Variants in GRIN2B observed in about 807,000 individuals in gnomAD.
GRIN2B encodes glutamate ionotropic receptor NMDA type subunit 2B.
In GRIN2B, 5 loss-of-function variants were observed where a neutral mutation model predicts 114.5. The observed-to-expected ratio is 0.04, with a 90% CI of 0.02 to 0.09. GRIN2B has a LOEUF of 0.09. GRIN2B is among the 10% of genes least tolerant of loss of function. The pLI is 1.00. For synonymous variants in GRIN2B, 787 were observed against 745.1 expected (o/e 1.06, Z -0.92); for missense variants, 1,108 against 1,943.5 (o/e 0.57, Z 8.08).
chr12:13,744,186 T>C (rs1281092323), intron 4 of GRIN2B, among the ~76,000 whole-genome samples: 8 of 152,218 alleles, frequency 5.3e-5, no homozygotes, highest in Non-Finnish European at 1.2e-4. Context: ...TTACTTGATA[T>C]TCATCAGAGC....
Position 13,870,193 on chromosome 12 carries a change from C to T in GRIN2B, c.-18-3967G>A, listed in dbSNP as rs538854518. On this transcript the variant is annotated intron_variant, in intron 2 of 13. Coordinates refer to ENST00000609686, the MANE Select transcript of GRIN2B (RefSeq NM_000834.5). ...TCCCATAATGGCCTCGGGGTAGCAG[C>T]GACCTCCACTGACAGCTTACTAGTC... is the stretch of plus-strand genomic sequence containing the variant. Among the ~76,000 whole-genome samples, 15 of 152,224 alleles carry T rather than the reference C, an allele frequency of 9.9e-5. No homozygotes were observed. In the East Asian group the frequency reaches 2.5e-3, roughly 25 times the overall value.
intron 5 of GRIN2B, among the ~76,000 whole-genome samples, chr12:13,663,472 G>T (rs1025368150): frequency 2.0e-5 from 3 of 152,130 alleles, no homozygotes; most frequent in Non-Finnish European, 2.9e-5. Flanking sequence ...AATGTGTTTT[G>T]GTTGTAATTT....
chr12:13,707,951 G>T (rs957347531), intron 4 of GRIN2B, among the ~76,000 whole-genome samples: 2 of 152,020 alleles, frequency 1.3e-5, no homozygotes, highest in South Asian at 4.1e-4. Context: ...GTAGAGAGCT[G>T]ATCTGCTGGA....
At chr12:13,859,887 T>C (rs1313021628) in intron 3 of GRIN2B, among the ~76,000 whole-genome samples, 2 of 152,206 alleles carry the variant, frequency 1.3e-5, no homozygotes, top group Admixed American at 6.5e-5. Flanking sequence ...TATGTCTTAA[T>C]ACCCTTCATC....
intron 3 of GRIN2B, among the ~76,000 whole-genome samples, chr12:13,864,372 C>G (rs1865791831): frequency 6.9e-6 from 1 of 145,218 alleles, no homozygotes; most frequent in Admixed American, 6.9e-5. Context: ...GGTGTCTGTG[C>G]TAGGTTTTAA....
rs183026780 is a variant in GRIN2B, at chr12:13,712,935, G to A, written c.1011-37076C>T. Among the ~76,000 whole-genome samples the A allele has an allele frequency of 2.0e-3, 298 of 151,702 alleles. No homozygotes were observed. The Middle Eastern group carries it at 0.031, about 16-fold the overall frequency. ...GAAAATGTTTCTTGATCTCAATTTA[G>A]TTCACTTCAATAAATATTACCGAGC... On this transcript the variant is annotated intron_variant, in intron 4 of 13. Transcript: ENST00000609686.
rs937335215 is a variant in GRIN2B at position 13,730,410 on chromosome 12, G to C, written c.1010+22907C>G. ...CTGTGTTTTGGTACTCTTTGTTCCA[G>C]GCCCCCTGCTAAGCACTTTGTATAC... On this transcript the variant is annotated intron_variant, in intron 4 of 13. Transcript: ENST00000609686. Among the ~76,000 whole-genome samples, 7 of 152,170 alleles carry C rather than the reference G, an allele frequency of 4.6e-5. No individual in the cohort carries two copies. In the South Asian group the frequency reaches 1.5e-3, roughly 32 times the overall value.
chr12:13,792,075 C>T (rs532971476), intron 3 of GRIN2B, among the ~76,000 whole-genome samples: 1 of 152,212 alleles, frequency 6.6e-6, no homozygotes, highest in African/African-American at 2.4e-5. Flanking sequence ...TTCTGTGCTT[C>T]GTTGTTTCAC....
chr12:13,934,031 C>T (rs1390875416), intron 2 of GRIN2B, among the ~76,000 whole-genome samples: 1 of 152,228 alleles, frequency 6.6e-6, no homozygotes, highest in Non-Finnish European at 1.5e-5. Flanking sequence ...AGACTATATG[C>T]ACATAGAGGC....
chr12:13,891,095 G>A (rs11055668), intron 2 of GRIN2B, among the ~76,000 whole-genome samples: 16,514 of 152,146 alleles, frequency 0.11, 1,562 homozygotes, highest in East Asian at 0.42. Flanking sequence ...AATATGTTAC[G>A]TATTTCATTT....
intron 2 of GRIN2B, among the ~76,000 whole-genome samples, chr12:13,875,099 T>C (rs935268992): frequency 3.3e-5 from 5 of 151,842 alleles, no homozygotes; most frequent in Non-Finnish European, 5.9e-5. Context: ...CAGGCCCCAG[T>C]GTGTATTTTT....
chr12:13,587,486 CT>C lies in GRIN2B; in HGVS notation c.2011-15523del, dbSNP rs1288140934. Among the ~76,000 whole-genome samples the C allele has an allele frequency of 5.3e-5, 8 of 152,154 alleles. No homozygotes were observed. In the East Asian group the frequency reaches 1.5e-3, roughly 29 times the overall value. On this transcript the variant is annotated intron_variant, in intron 10 of 13. Coordinates refer to ENST00000609686, the MANE Select transcript of GRIN2B (RefSeq NM_000834.5). ...CTTCCCACCTCAGCCTCCCAAGTAG[CT>C]GGGACTACAGGTGCTTTCCACCATG...
chr12:13,693,146 G>C (rs559810160), intron 4 of GRIN2B, among the ~76,000 whole-genome samples: 17 of 152,022 alleles, frequency 1.1e-4, no homozygotes, highest in Admixed American at 3.3e-4. Context: ...TCTTTATTTA[G>C]AAGTTTGATG....
At chr12:13,746,850 C>G (rs1011153462) in intron 4 of GRIN2B, among the ~76,000 whole-genome samples, 2 of 152,220 alleles carry the variant, frequency 1.3e-5, no homozygotes, top group African/African-American at 4.8e-5. Context: ...CCTGCTTTCT[C>G]TCTCACCATG....
At chr12:13,932,528 A>G (rs1217890643) in intron 2 of GRIN2B, among the ~76,000 whole-genome samples, 1 of 152,208 alleles carries the variant, frequency 6.6e-6, no homozygotes, top group Non-Finnish European at 1.5e-5. Context: ...TAATCTGTGC[A>G]TTACAGGTAG....
At chr12:13,843,516 GC>G (rs1206619125) in intron 3 of GRIN2B, among the ~76,000 whole-genome samples, 1 of 151,978 alleles carries the variant, frequency 6.6e-6, no homozygotes, top group Non-Finnish European at 1.5e-5. Flanking sequence ...GCACCTTCAG[GC>G]TTTCACAGGA....
At chr12:13,916,002 C>T (rs1866712114) in intron 2 of GRIN2B, among the ~76,000 whole-genome samples, 1 of 151,914 alleles carries the variant, frequency 6.6e-6, no homozygotes, top group Admixed American at 6.6e-5. Flanking sequence ...ATAAATTGGA[C>T]CTATGCTTGT....
In GRIN2B at chr12:13,563,339, C is replaced by A; in HGVS notation, c.3899G>T (p.Arg1300Leu). 1 of 1,614,160 alleles carries A rather than the reference C, an allele frequency of 6.2e-7. No homozygotes were observed. The highest frequency in any genetic ancestry group is 8.5e-7 in the Non-Finnish European group (1 of 1,180,016). Residue 1300 changes from arginine (R) to leucine (L), a missense_variant, in exon 14 of 14, where the codon CGG (arginine) becomes CTG (leucine). Arg to Leu is a moderately radical substitution (Grantham distance 102). Coordinates refer to ENST00000609686, the MANE Select transcript of GRIN2B (RefSeq NM_000834.5). ...CACGAAGGTGTCGTAGGAGTGCTGC[C>A]GGCGCAGTTTGTTCCGGTTCTTCTT... ...AQKKNRNKLRRQHSYDTFVDL... is the reference protein window; with the variant it reads ...AQKKNRNKLRLQHSYDTFVDL...
At chr12:13,914,230 C>T (rs73059606) in intron 2 of GRIN2B, among the ~76,000 whole-genome samples, 16,406 of 152,100 alleles carry the variant, frequency 0.11, 1,109 homozygotes, top group Middle Eastern at 0.21. Flanking sequence ...CTCCCCACTC[C>T]TCCCCACCCC....
Sources: allele counts gnomAD v4.1 joint callset (sites outside exome capture counted in the v4.1 genomes callset), GRCh38; gene constraint gnomAD v4.1.1; transcripts MANE v1.5; gene names NCBI Gene and HGNC (gene_info 2026-07-23, HGNC 2026-07-21).